Variants in FRAS1 observed in about 807,000 individuals in gnomAD.
FRAS1 encodes Fraser extracellular matrix complex subunit 1.
A neutral mutation model predicts 435.2 loss-of-function variants in FRAS1; 290 were observed. The ratio of observed to expected loss-of-function variants is 0.67; its 90% confidence interval spans 0.61 to 0.73. The LOEUF is 0.73. Ranked by LOEUF, FRAS1 falls within the 30% of genes least tolerant of loss-of-function variation. The probability of loss-of-function intolerance (pLI) is 0.00; values close to 1 mark genes in which losing one functional copy is unlikely to be tolerated. For missense variants in FRAS1, 4,860 were observed against 5,001.5 expected (o/e 0.97, Z 0.85); for synonymous variants, 1,800 against 1,851.0 (o/e 0.97, Z 0.71).
At chr4:78,311,780 TA>T (rs1729033758) in intron 15 of FRAS1, among the ~76,000 whole-genome samples, 1 of 152,254 alleles carries the variant, frequency 6.6e-6, no homozygotes, top group Non-Finnish European at 1.5e-5. Flanking sequence ...GTCAACCCAT[TA>T]AATTTGCCTA....
chr4:78,390,119 T>C (rs1732385974), intron 29 of FRAS1, among the ~76,000 whole-genome samples: 2 of 152,218 alleles, frequency 1.3e-5, no homozygotes, highest in Admixed American at 6.5e-5. Flanking sequence ...TATACAAATG[T>C]GTACTATTTT....
intron 20 of FRAS1, among the ~76,000 whole-genome samples, chr4:78,339,865 A>C (rs1287044353): frequency 6.6e-6 from 1 of 152,190 alleles, no homozygotes; most frequent in Non-Finnish European, 1.5e-5. Flanking sequence ...AGAAATCTGC[A>C]ACTTGTATGG....
At chr4:78,359,820 C>T (rs1180478854) in intron 20 of FRAS1, among the ~76,000 whole-genome samples, 1 of 152,124 alleles carries the variant, frequency 6.6e-6, no homozygotes, top group Non-Finnish European at 1.5e-5. Context: ...TTTATATTTT[C>T]AGGTGTCATG....
chr4:78,063,911 A>T (rs2109845450), intron 1 of FRAS1, among the ~76,000 whole-genome samples: 1 of 152,220 alleles, frequency 6.6e-6, no homozygotes, highest in East Asian at 1.9e-4. Context: ...AGTGATGATG[A>T]TCTTTATTCT....
chr4:78,304,608 C>G (rs1041220518), intron 14 of FRAS1, among the ~76,000 whole-genome samples: 1,754 of 151,708 alleles, frequency 0.012, 30 homozygotes, highest in Non-Finnish European at 0.012. Context: ...GTGTATGTGT[C>G]GAGGAATTTA....
At chr4:78,407,600 G>T in intron 30 of FRAS1, 63 bp from the exon 31 acceptor site, 1 of 1,334,978 alleles carries the variant, frequency 7.5e-7, no homozygotes. Flanking sequence ...TAGTAGGAAA[G>T]GAGGTAAGGG....
chr4:78,464,235 G>A, intron 48 of FRAS1, 90 bp downstream of exon 48: 3 of 1,483,106 alleles, frequency 2.0e-6, no homozygotes, highest in South Asian at 1.3e-5. Flanking sequence ...GGTGAGAGAA[G>A]AGCTTCATTT....
intron 44 of FRAS1, among the ~76,000 whole-genome samples, chr4:78,449,254 G>A (rs931491662): frequency 6.6e-6 from 1 of 152,162 alleles, no homozygotes; most frequent in Non-Finnish European, 1.5e-5. Context: ...GGCCCAGACA[G>A]ACACTTTCGT....
intron 47 of FRAS1, among the ~76,000 whole-genome samples, chr4:78,458,907 T>C (rs1719286231): frequency 6.6e-6 from 1 of 152,208 alleles, no homozygotes; most frequent in African/African-American, 2.4e-5. Flanking sequence ...GTGACTCATA[T>C]AGAGCAGAAA....
At chr4:78,275,482 C>G (rs573367204) in intron 9 of FRAS1, among the ~76,000 whole-genome samples, 4 of 152,138 alleles carry the variant, frequency 2.6e-5, no homozygotes, top group Non-Finnish European at 4.4e-5. Flanking sequence ...TTAGTGCTTC[C>G]TTCAGGAGCT....
At chr4:78,120,407 T>G (rs1718941535) in intron 2 of FRAS1, among the ~76,000 whole-genome samples, 1 of 152,206 alleles carries the variant, frequency 6.6e-6, no homozygotes. Flanking sequence ...TAAATACGGC[T>G]TATTTCTGAG....
intron 2 of FRAS1, among the ~76,000 whole-genome samples, chr4:78,147,532 C>T (rs1358365244): frequency 1.3e-5 from 2 of 152,124 alleles, no homozygotes; most frequent in Non-Finnish European, 2.9e-5. Flanking sequence ...TAGTGACACA[C>T]GTAAAAGGCC....
intron 23 of FRAS1, among the ~76,000 whole-genome samples, 166 bp downstream of exon 23, chr4:78,370,150 T>A (rs1342511162): frequency 6.6e-6 from 1 of 152,246 alleles, no homozygotes; most frequent in Non-Finnish European, 1.5e-5. Flanking sequence ...AATTCACTCC[T>A]TTATTTACTT....
At chr4:78,357,954 A>G (rs556667635) in intron 20 of FRAS1, among the ~76,000 whole-genome samples, 2 of 152,216 alleles carry the variant, frequency 1.3e-5, no homozygotes, top group African/African-American at 4.8e-5. Flanking sequence ...CCTGGGTTCT[A>G]TAAGTATAGT....
At chr4:78,118,726 C>T (rs1718820890) in intron 2 of FRAS1, among the ~76,000 whole-genome samples, 1 of 152,312 alleles carries the variant, frequency 6.6e-6, no homozygotes, top group East Asian at 1.9e-4. Flanking sequence ...TCAACCCTTT[C>T]TTTGACTAGG....
At chr4:78,192,719 A>G (rs1722600787) in intron 2 of FRAS1, among the ~76,000 whole-genome samples, 1 of 152,088 alleles carries the variant, frequency 6.6e-6, no homozygotes, top group East Asian at 1.9e-4. Flanking sequence ...TTTTCAAAAA[A>G]CCAGCTCCTG....
chr4:78,499,268 G>A (rs1322761147), intron 60 of FRAS1, among the ~76,000 whole-genome samples: 1 of 152,180 alleles, frequency 6.6e-6, no homozygotes, highest in Non-Finnish European at 1.5e-5. Flanking sequence ...GTAAATTTAA[G>A]TAGTATATAA....
intron 47 of FRAS1, 148 bp from the exon 48 acceptor site, chr4:78,463,870 TAAC>T: frequency 2.4e-6 from 2 of 830,496 alleles, no homozygotes; most frequent in Non-Finnish European, 1.9e-6. Context: ...CAAACAACTC[TAAC>T]AACAAGGTCC....
chr4:78,520,905 A>G (rs182550244), intron 67 of FRAS1, among the ~76,000 whole-genome samples: 2 of 152,310 alleles, frequency 1.3e-5, no homozygotes, highest in Admixed American at 1.3e-4. Context: ...TCTGGGTCAG[A>G]TAATTCCTTG....
Sources: gnomAD v4.1 joint callset for allele counts (sites outside exome capture counted in the v4.1 genomes callset) on GRCh38, gnomAD v4.1.1 for gene constraint, MANE v1.5 for transcripts, NCBI Gene and HGNC (gene_info 2026-07-23, HGNC 2026-07-21) for gene names.